The following C12orf42 variants were observed in gnomAD, a reference collection of about 807,000 sequenced individuals.
The protein encoded by C12orf42 is uncharacterized protein C12orf42.
In C12orf42, 25 loss-of-function variants were observed where a neutral mutation model predicts 21.6. That is an observed-to-expected ratio of 1.16 (90% CI 0.84 to 1.62). The LOEUF is 1.62. Ranked by LOEUF, C12orf42 falls within the 40% of genes most tolerant of loss-of-function variation. The probability of loss-of-function intolerance (pLI) is 0.00; values close to 1 mark genes in which losing one functional copy is unlikely to be tolerated. For synonymous variants in C12orf42, 174 were observed against 175.0 expected (o/e 0.99, Z 0.05); for missense variants, 483 against 459.3 (o/e 1.05, Z -0.47).
At chr12:103,432,249 C>T (rs1950320214) in intron 2 of C12orf42, among the ~76,000 whole-genome samples, 1 of 152,174 alleles carries the variant, frequency 6.6e-6, no homozygotes, top group African/African-American at 2.4e-5. Context: ...TACCCAGCTC[C>T]TGAGATCTTA....
At chr12:103,092,579 C>T in the C12orf42 span, among the ~76,000 whole-genome samples, 1 of 152,134 alleles carries the variant, frequency 6.6e-6, no homozygotes, top group Non-Finnish European at 1.5e-5. Flanking sequence ...TCTAAGAATG[C>T]TATTTATTTA....
At chr12:103,194,220 T>A in the C12orf42 span, among the ~76,000 whole-genome samples, 1 of 152,072 alleles carries the variant, frequency 6.6e-6, no homozygotes, top group Admixed American at 6.5e-5. Flanking sequence ...GGTAGCATAC[T>A]CAACAGTGAA....
At chr12:103,197,000 T>C in the C12orf42 span, among the ~76,000 whole-genome samples, 1 of 152,174 alleles carries the variant, frequency 6.6e-6, no homozygotes, top group African/African-American at 2.4e-5. Context: ...GTATAGTTGA[T>C]GTATAGTGTC....
At chr12:103,450,561 C>A (rs1440688779) in intron 2 of C12orf42, among the ~76,000 whole-genome samples, 3 of 152,060 alleles carry the variant, frequency 2.0e-5, no homozygotes, top group African/African-American at 7.3e-5. Flanking sequence ...TTGATGCATT[C>A]ACAGCATTGT....
the C12orf42 span, chr12:103,161,613 G>A: frequency 6.6e-6 from 1 of 152,132 alleles, no homozygotes; most frequent in South Asian, 2.1e-4. Flanking sequence ...AGACTGTCAA[G>A]GACAATAATA....
At chr12:103,143,871 G>C in the C12orf42 span, among the ~76,000 whole-genome samples, 3 of 152,136 alleles carry the variant, frequency 2.0e-5, no homozygotes, top group Admixed American at 6.5e-5. Context: ...CAATTGAACT[G>C]GATTTTTATA....
At chr12:103,077,130 G>A in the C12orf42 span, among the ~76,000 whole-genome samples, 2 of 152,194 alleles carry the variant, frequency 1.3e-5, no homozygotes, top group African/African-American at 4.8e-5. Flanking sequence ...AGGTTAATAT[G>A]AAGAAATGGA....
chr12:103,250,179 A>C (rs530475484), intron 10 of C12orf42, among the ~76,000 whole-genome samples: 1 of 152,162 alleles, frequency 6.6e-6, no homozygotes, highest in African/African-American at 2.4e-5. Context: ...GGTTTAGATT[A>C]AAATGCAAGG....
chr12:103,370,030 C>A (rs774840925), intron 3 of C12orf42, among the ~76,000 whole-genome samples: 2 of 152,080 alleles, frequency 1.3e-5, no homozygotes, highest in Non-Finnish European at 2.9e-5. Flanking sequence ...AACAAATTTA[C>A]AAGCAAAAAA....
At chr12:103,389,502 C>T (rs189871718) in intron 3 of C12orf42, among the ~76,000 whole-genome samples, 15 of 152,256 alleles carry the variant, frequency 9.9e-5, no homozygotes, top group African/African-American at 1.2e-4. Flanking sequence ...CTACATATCT[C>T]TTATTGTGGT....
chr12:103,279,970 G>T (rs2036004365), intron 4 of C12orf42, among the ~76,000 whole-genome samples: 1 of 152,154 alleles, frequency 6.6e-6, no homozygotes, highest in African/African-American at 2.4e-5. Context: ...TCCATTTGTT[G>T]ATCAGGAAAC....
intron 4 of C12orf42, among the ~76,000 whole-genome samples, chr12:103,329,883 T>C (rs2041077250): frequency 6.6e-6 from 1 of 151,832 alleles, no homozygotes. Flanking sequence ...ATTATATACA[T>C]AAATTGTATG....
At chr12:103,130,334 A>G in the C12orf42 span, among the ~76,000 whole-genome samples, 1 of 150,676 alleles carries the variant, frequency 6.6e-6, no homozygotes, top group Admixed American at 6.7e-5. Flanking sequence ...CAGAGACCAT[A>G]TTCTAAAAAT....
intron 3 of C12orf42, among the ~76,000 whole-genome samples, chr12:103,397,459 T>G (rs946136374): frequency 3.3e-5 from 5 of 152,162 alleles, no homozygotes; most frequent in African/African-American, 1.2e-4. Context: ...TCACAGGAGC[T>G]CGAACCCTAT....
the C12orf42 span, among the ~76,000 whole-genome samples, chr12:103,522,716 C>G: frequency 6.6e-6 from 1 of 152,214 alleles, no homozygotes; most frequent in East Asian, 1.9e-4. Flanking sequence ...TTGCCCTCAA[C>G]AGTAACCAGC....
At chr12:103,468,253 T>C (rs1373595895) in intron 2 of C12orf42, among the ~76,000 whole-genome samples, 1 of 152,214 alleles carries the variant, frequency 6.6e-6, no homozygotes, top group East Asian at 1.9e-4. Flanking sequence ...GATGTAATGA[T>C]CAGACAGTTA....
chr12:103,141,670 C>G, the C12orf42 span, among the ~76,000 whole-genome samples: 1 of 151,834 alleles, frequency 6.6e-6, no homozygotes, highest in Non-Finnish European at 1.5e-5. Flanking sequence ...GCTGGGATTA[C>G]AGGCGTCCAC....
At chr12:103,216,227 G>A in the C12orf42 span, among the ~76,000 whole-genome samples, 1 of 152,162 alleles carries the variant, frequency 6.6e-6, no homozygotes, top group Non-Finnish European at 1.5e-5. Context: ...TTCTTTCTGA[G>A]GTGACAGCTC....
At chr12:103,449,574 T>A (rs150141949) in intron 2 of C12orf42, among the ~76,000 whole-genome samples, 1 of 152,070 alleles carries the variant, frequency 6.6e-6, no homozygotes, top group Non-Finnish European at 1.5e-5. Context: ...TGTTTTGGTG[T>A]GTAATACCAG....
Sources: allele counts gnomAD v4.1 joint callset (sites outside exome capture counted in the v4.1 genomes callset), GRCh38; gene constraint gnomAD v4.1.1; transcripts MANE v1.5; gene names NCBI Gene and HGNC (gene_info 2026-07-23, HGNC 2026-07-21).